DPEP2NB: variants seen among roughly 807,000 people sequenced by gnomAD.
DPEP2NB encodes DPEP2 neighbor protein.
For synonymous variants in DPEP2NB, 35 were observed against 55.3 expected (o/e 0.63, Z 1.63); for missense variants, 117 against 151.8 (o/e 0.77, Z 1.21).
intron 1 of DPEP2NB, among the ~76,000 whole-genome samples, chr16:68,014,627 C>T (rs2033155671): frequency 6.6e-6 from 1 of 152,174 alleles, no homozygotes; most frequent in African/African-American, 2.4e-5. Context: ...GGAGATCCTC[C>T]TCATCCCTTC....
At position 68,014,124 on chromosome 16, in the gene DPEP2NB, T is replaced by C. The variant is rs909014010; in HGVS notation, c.356A>G (p.Gln119Arg). The change falls in exon 2 of 2, where the codon CAG becomes CGG. Residue 119 changes from glutamine to arginine, a missense_variant. Coordinates refer to ENST00000574912, the MANE Select transcript of DPEP2NB (RefSeq NM_001282442.2). ...CCAAATGGCTCAGCCAGCAAGCTTCTGTGGGGTCAGTCTCCTGCCACGATG... is the reference window on the plus strand; with the variant it reads ...CCAAATGGCTCAGCCAGCAAGCTTCCGTGGGGTCAGTCTCCTGCCACGATG... ...LEHRGRRLTP[Q>R]KLAG The C allele has an allele frequency of 4.1e-6, 5 of 1,231,696 alleles. No individual in the cohort carries two copies. The African/African-American group carries it at 7.8e-5, about 19-fold the overall frequency. 76.3% of individuals were successfully genotyped at this position (1,231,696 alleles called of 1,614,324 possible).
At chr16:68,014,505 ATCT>A (rs1307302507) in intron 1 of DPEP2NB, 93 bp from the exon 2 acceptor site, 1 of 831,360 alleles carries the variant, frequency 1.2e-6, no homozygotes, top group Non-Finnish European at 1.6e-6. Context: ...AAGTCCTTTC[ATCT>A]TCTTCGCATC....
chr16:68,014,327 A>C lies in DPEP2NB; in HGVS notation c.153T>G (p.His51Gln). 8.1e-7 allele frequency: 1 copy of C among 1,231,804 alleles called. No homozygotes were observed. Among genetic ancestry groups the C allele is most frequent in the Non-Finnish European group, 1.0e-6 (1 of 988,016 alleles). 76.3% of individuals were successfully genotyped at this position (1,231,804 alleles called of 1,614,324 possible). Residue 51 changes from histidine (H) to glutamine (Q), a missense_variant, in exon 2 of 2, where the codon CAT (histidine) becomes CAG (glutamine). Physicochemically the swap from His to Gln is conservative, Grantham distance 24. Transcript: ENST00000574912. ...CACCAACCAGGCAGTACGTCTCCCC[A>C]TGCCAGCCTACCTGAGTTTCTCCAC... ...RGCGETQVGW[H>Q]GETYCLVGGY...
In DPEP2NB at chr16:68,014,074, G is replaced by A; in HGVS notation, c.*34C>T. The A allele has an allele frequency of 8.1e-7, 1 of 1,230,970 alleles. No individual in the cohort carries two copies. The highest frequency in any genetic ancestry group is 1.0e-6 in the Non-Finnish European group (1 of 987,310). The allele number at this position is 1,230,970 out of a possible 1,614,324, so 76.3% of individuals were successfully genotyped here. On this transcript the variant is annotated 3_prime_UTR_variant, in exon 2 of 2. Coordinates refer to ENST00000574912, the MANE Select transcript of DPEP2NB (RefSeq NM_001282442.2). The stretch of plus-strand genomic sequence containing the variant: ...CGCAGAAGAGGCATTAGCTGTCTTA[G>A]ACAGCTAAACATTTGTCCTTTCTCC...
In DPEP2NB at chr16:68,013,746, TAG is replaced by T. The variant is rs1403866189; in HGVS notation, c.*360_*361del. 1 of 171,890 alleles carries T rather than the reference TAG, an allele frequency of 5.8e-6. No individual in the cohort carries two copies. Among genetic ancestry groups the T allele is most frequent in the Non-Finnish European group, 1.2e-5 (1 of 81,540 alleles). 10.6% of individuals were successfully genotyped at this position (171,890 alleles called of 1,614,324 possible). On this transcript the variant is annotated 3_prime_UTR_variant, in exon 2 of 2. Transcript: ENST00000574912. ...TGACTCAAAGCAAAGACCCATCTGG[TAG>T]ATCAAGCCCTTACTGGGCTATGCTG...
At chr16:68,014,803 G>A (rs1598292056) in intron 1 of DPEP2NB, among the ~76,000 whole-genome samples, 1 of 152,098 alleles carries the variant, frequency 6.6e-6, no homozygotes, top group East Asian at 1.9e-4. Context: ...GAGCCCAGGA[G>A]TACCAGCCTG....
At chr16:68,015,650 G>A (rs1427063739) in intron 1 of DPEP2NB, 54 bp downstream of exon 1, 3 of 1,040,720 alleles carry the variant, frequency 2.9e-6, no homozygotes, top group Non-Finnish European at 3.7e-6. Flanking sequence ...TGTCAGCCAG[G>A]TGAAGCTGTG....
At chr16:68,015,225 C>G (rs12918217) in intron 1 of DPEP2NB, among the ~76,000 whole-genome samples, 4,269 of 151,366 alleles carry the variant, frequency 0.028, 75 homozygotes, top group Middle Eastern at 0.054. Context: ...AACCCTGTCA[C>G]TACTAAAAAG....
Position 68,014,020 on chromosome 16 carries a change from T to C in DPEP2NB, c.*88A>G, listed in dbSNP as rs2033150135. 9.7e-7 allele frequency: 1 copy of C among 1,027,144 alleles called. No homozygotes were observed. The highest frequency in any genetic ancestry group is 1.2e-6 in the Non-Finnish European group (1 of 801,728). 63.6% of individuals were successfully genotyped at this position (1,027,144 alleles called of 1,614,324 possible). On this transcript the variant is annotated 3_prime_UTR_variant, in exon 2 of 2. Coordinates refer to ENST00000574912, the MANE Select transcript of DPEP2NB (RefSeq NM_001282442.2). ...GGCATAGGCAGAATGACTCAGGCTC[T>C]ATCTGCAGTGGTGGGCAGGGGAGGT...
Position 68,013,979 on chromosome 16 carries a change from G to T in DPEP2NB, c.*129C>A. ...CCATGGGTAGTTAGCATGGAAGGGGGCTTCTGGATGAGGAAGGCATAGGCA... is the reference window on the plus strand; with the variant it reads ...CCATGGGTAGTTAGCATGGAAGGGGTCTTCTGGATGAGGAAGGCATAGGCA... On this transcript the variant is annotated 3_prime_UTR_variant, in exon 2 of 2. Transcript: ENST00000574912. The T allele has an allele frequency of 1.5e-6, 1 of 685,404 alleles. No individual in the cohort carries two copies. Among genetic ancestry groups the T allele is most frequent in the Non-Finnish European group, 2.0e-6 (1 of 489,486 alleles). 42.5% of individuals were successfully genotyped at this position (685,404 alleles called of 1,614,324 possible).
rs2033151509 is a variant in DPEP2NB at position 68,014,226 on chromosome 16, G to A, written c.254C>T (p.Ala85Val). 7 of 1,231,634 alleles carry A rather than the reference G, an allele frequency of 5.7e-6. No homozygotes were observed. The South Asian group carries it at 1.6e-4, about 29-fold the overall frequency. The allele number at this position is 1,231,634 out of a possible 1,614,324, so 76.3% of individuals were successfully genotyped here. ...AEAEKPAPRR[A>V]PKRRQATIES... is the part of the protein sequence containing the mutation. The stretch of plus-strand genomic sequence containing the variant: ...TATCGTAGCTTGACGTCTCTTGGGA[G>A]CACGCCTGGGGGCTGGCTTCTCTGC... The change falls in exon 2 of 2, where the codon GCT (alanine) becomes GTT (valine). Residue 85 changes from alanine (A) to valine (V), a missense_variant. Coordinates refer to ENST00000574912, the MANE Select transcript of DPEP2NB (RefSeq NM_001282442.2).
chr16:68,015,617 G>C, intron 1 of DPEP2NB, 87 bp downstream of exon 1: 1 of 744,540 alleles, frequency 1.3e-6, no homozygotes, highest in Non-Finnish European at 1.8e-6. Flanking sequence ...CTCGAGGTGT[G>C]GTGGGCCAGC....
In DPEP2NB at chr16:68,015,861, G is replaced by A; in HGVS notation, c.-91C>T. ...GCAGGTGTGTAGTCACGCTGCCATGGAAACTTTGGAAGCTTGTGAGGTCAT... is the reference window on the plus strand; with the variant it reads ...GCAGGTGTGTAGTCACGCTGCCATGAAAACTTTGGAAGCTTGTGAGGTCAT... On this transcript the variant is annotated 5_prime_UTR_variant, in exon 1 of 2. Transcript: ENST00000574912. 1.6e-6 allele frequency: 1 copy of A among 608,744 alleles called. No individual in the cohort carries two copies. Among genetic ancestry groups the A allele is most frequent in the Non-Finnish European group, 2.4e-6 (1 of 419,408 alleles). The allele number at this position is 608,744 out of a possible 1,614,324, so 37.7% of individuals were successfully genotyped here.
In DPEP2NB at chr16:68,014,403, G is replaced by GGCACT; in HGVS notation, c.72_76dup (p.Pro26GlnfsTer25). 1 of 1,231,858 alleles carries GGCACT rather than the reference G, an allele frequency of 8.1e-7. No individual in the cohort carries two copies. Among genetic ancestry groups the GGCACT allele is most frequent in the Non-Finnish European group, 1.0e-6 (1 of 988,056 alleles). The allele number at this position is 1,231,858 out of a possible 1,614,324, so 76.3% of individuals were successfully genotyped here. On this transcript the variant is annotated frameshift_variant, in exon 2 of 2. Coordinates refer to ENST00000574912, the MANE Select transcript of DPEP2NB (RefSeq NM_001282442.2). LOFTEE classifies it low-confidence loss of function (END_TRUNC). The stretch of plus-strand genomic sequence containing the variant: ...CCCAGGTGTGGGAGGAGAAGTGGCA[G>GGCACT]GCACTGCAGCTGGAAAGAAAACCAG...
Position 68,015,770 on chromosome 16 carries a change from TTCTC to T in DPEP2NB, c.-4_-1del, listed in dbSNP as rs2033166052. 3 of 1,231,014 alleles carry T rather than the reference TTCTC, an allele frequency of 2.4e-6. No individual in the cohort carries two copies. In the South Asian group the frequency reaches 1.2e-4, roughly 51 times the overall value. The allele number at this position is 1,231,014 out of a possible 1,614,324, so 76.3% of individuals were successfully genotyped here. On this transcript the variant is annotated 5_prime_UTR_variant, in exon 1 of 2. Transcript: ENST00000574912. ...ACAATATAGAGGATCCGGTCAGTCA[TTCTC>T]TCTCAGCCAACCAAACAGATTGGTA...
At position 68,014,394 on chromosome 16, in the gene DPEP2NB, G is replaced by A. The variant is rs746021428; in HGVS notation, c.86C>T (p.Ser29Phe). The stretch of plus-strand genomic sequence containing the variant: ...ATGGTAGTGCCCAGGTGTGGGAGGA[G>A]AAGTGGCAGGCACTGCAGCTGGAAA... ...GSAAAAVPATSPPTPGHYHVL... is the reference protein window; with the variant it reads ...GSAAAAVPATFPPTPGHYHVL... Residue 29 changes from serine (S) to phenylalanine (F), a missense_variant, in exon 2 of 2, where the codon TCT becomes TTT. Transcript: ENST00000574912. 1.1e-5 allele frequency: 14 copies of A among 1,231,762 alleles called. No individual in the cohort carries two copies. The highest frequency in any genetic ancestry group is 1.3e-5 in the Non-Finnish European group (13 of 988,068). The allele number at this position is 1,231,762 out of a possible 1,614,324, so 76.3% of individuals were successfully genotyped here.
chr16:68,014,514 G>A (rs541453316), intron 1 of DPEP2NB, 102 bp from the exon 2 acceptor site: 8 of 749,304 alleles, frequency 1.1e-5, no homozygotes, highest in South Asian at 7.1e-5. Flanking sequence ...CATCTTCTTC[G>A]CATCCCAGAC....
intron 1 of DPEP2NB, among the ~76,000 whole-genome samples, chr16:68,015,033 A>G (rs1567462013): frequency 6.6e-6 from 1 of 151,914 alleles, no homozygotes; most frequent in Non-Finnish European, 1.5e-5. Flanking sequence ...GAAAAAAAGG[A>G]TCTAATATTG....
At position 68,014,360 on chromosome 16, in the gene DPEP2NB, G is replaced by A. The variant is rs948902242; in HGVS notation, c.120C>T (p.Tyr40=). 29 of 1,231,738 alleles carry A rather than the reference G, an allele frequency of 2.4e-5. No individual in the cohort carries two copies. The South Asian group carries it at 8.6e-4, about 37-fold the overall frequency. 76.3% of individuals were successfully genotyped at this position (1,231,738 alleles called of 1,614,324 possible). ...CTACCTGAGTTTCTCCACACCCTCG[G>A]TAGAGAACATGGTAGTGCCCAGGTG... ...PPTPGHYHVL[Y]RGCGETQVGW... The change falls in exon 2 of 2, where the codon TAC becomes TAT. Residue 40 remains tyrosine, a synonymous_variant. Transcript: ENST00000574912.
Sources: gnomAD v4.1 joint callset for allele counts (sites outside exome capture counted in the v4.1 genomes callset) on GRCh38, gnomAD v4.1.1 for gene constraint, MANE v1.5 for transcripts, NCBI Gene and HGNC (gene_info 2026-07-23, HGNC 2026-07-21) for gene names.